Variants in FUT8 observed in about 807,000 individuals in gnomAD.
FUT8 encodes the protein alpha-(1,6)-fucosyltransferase.
In FUT8, 29 loss-of-function variants were observed where a neutral mutation model predicts 71.3. That is an observed-to-expected ratio of 0.41 (90% CI 0.30 to 0.55). FUT8 has a LOEUF of 0.55. Among genes scored for constraint, FUT8 ranks in the 20% least tolerant of loss-of-function variants. The pLI is 0.34. For synonymous variants in FUT8, 254 were observed against 239.3 expected (o/e 1.06, Z -0.57); for missense variants, 544 against 702.1 (o/e 0.77, Z 2.55).
At chr14:65,363,376 C>T in the FUT8 span, among the ~76,000 whole-genome samples, 1 of 152,066 alleles carries the variant, frequency 6.6e-6, no homozygotes, top group South Asian at 2.1e-4. Flanking sequence ...TGGCCTCGGC[C>T]TCTCAAAGTG....
intron 7 of FUT8, among the ~76,000 whole-genome samples, chr14:65,715,708 C>T (rs1895021862): frequency 6.6e-6 from 1 of 152,068 alleles, no homozygotes; most frequent in South Asian, 2.1e-4. Context: ...TTAATTTCTT[C>T]ATTGATCCAT....
rs780759222 is a variant in FUT8, at chr14:65,472,574, AC to A, written c.-228+16857del. Among the ~76,000 whole-genome samples, 17 of 152,248 alleles carry A rather than the reference AC, an allele frequency of 1.1e-4. No homozygotes were observed. The highest frequency in any genetic ancestry group is 3.4e-3 in the Middle Eastern group (1 of 294). On this transcript the variant is annotated intron_variant, in intron 2 of 10. Coordinates refer to ENST00000673929, the MANE Select transcript of FUT8 (RefSeq NM_001371533.1). The surrounding 1 kb of genome is among the most constrained non-coding windows in gnomAD (Gnocchi z 4.4). ...ATATTCTTATACTGTAAAAAAAAAA[AC>A]AACTTTATTTTTATAGCCTTTTTGG... is the stretch of plus-strand genomic sequence containing the variant.
At chr14:65,378,580 T>C in the FUT8 span, among the ~76,000 whole-genome samples, 129 of 152,260 alleles carry the variant, frequency 8.5e-4, 1 homozygote, top group Non-Finnish European at 1.2e-3. Flanking sequence ...GCCATAATAA[T>C]TTCACCTGAA....
chr14:65,552,186 C>T (rs1444978345), intron 2 of FUT8, among the ~76,000 whole-genome samples: 1 of 152,096 alleles, frequency 6.6e-6, no homozygotes, highest in Non-Finnish European at 1.5e-5. Flanking sequence ...TATTCAGTTT[C>T]TGTTGAGTCA....
chr14:65,662,758 G>A (rs966518879), intron 6 of FUT8, among the ~76,000 whole-genome samples: 4 of 152,140 alleles, frequency 2.6e-5, no homozygotes, highest in African/African-American at 9.7e-5. Flanking sequence ...GGTTGTGTAG[G>A]GAGGTAATTT....
At position 65,510,014 on chromosome 14, in the gene FUT8, A is replaced by T. The variant is rs77204555; in HGVS notation, c.-227-51323A>T. On this transcript the variant is annotated intron_variant, in intron 2 of 10. Coordinates refer to ENST00000673929, the MANE Select transcript of FUT8 (RefSeq NM_001371533.1). ...AGTGGGCATCCTTGTTATGTTTCAG[A>T]TCGTAAAAGACAGGCTTTCAGTTTT... Among the ~76,000 whole-genome samples, 312 of 152,226 alleles carry T rather than the reference A, an allele frequency of 2.0e-3. 2 individuals are homozygous for T. Among genetic ancestry groups the T allele is most frequent in the African/African-American group, 7.4e-3 (307 of 41,554 alleles).
intron 6 of FUT8, among the ~76,000 whole-genome samples, chr14:65,631,840 G>A (rs779198074): frequency 4.6e-5 from 7 of 151,894 alleles, no homozygotes; most frequent in South Asian, 2.1e-4. Flanking sequence ...GTCTTTCATC[G>A]CTCGCTCCCC....
At chr14:65,719,732 T>C (rs570785370) in intron 7 of FUT8, among the ~76,000 whole-genome samples, 1 of 152,348 alleles carries the variant, frequency 6.6e-6, no homozygotes, top group Admixed American at 6.5e-5. Flanking sequence ...TTTGTGGTCT[T>C]AGATAAGGTC....
intron 2 of FUT8, among the ~76,000 whole-genome samples, chr14:65,493,116 G>A (rs1441896245): frequency 6.6e-6 from 1 of 152,128 alleles, no homozygotes; most frequent in Non-Finnish European, 1.5e-5. Context: ...TTAGACTTTG[G>A]TGAGTATTGC....
rs1566851224 is a variant in FUT8 at position 65,611,259 on chromosome 14, A to AAGTAATAGCCTTGATTTTG, written c.204-4719_204-4718insAGTAATAGCCTTGATTTTG. On this transcript the variant is annotated intron_variant, in intron 3 of 10. Transcript: ENST00000673929. ...CACACACACACACACACACACACAC[A>AAGTAATAGCCTTGATTTTG]CACACACACACACACACACACACAC... is the stretch of plus-strand genomic sequence containing the variant. Among the ~76,000 whole-genome samples the AAGTAATAGCCTTGATTTTG allele has an allele frequency of 2.1e-4, 15 of 69,806 alleles. 1 individual carries two copies. Among genetic ancestry groups the AAGTAATAGCCTTGATTTTG allele is most frequent in the African/African-American group, 1.6e-3 (15 of 9,286 alleles). The allele number at this position is 69,806 out of a possible 152,430, so 45.8% of individuals were successfully genotyped here.
chr14:65,700,521 G>C (rs1894237796), intron 7 of FUT8, among the ~76,000 whole-genome samples: 1 of 150,156 alleles, frequency 6.7e-6, no homozygotes, highest in African/African-American at 2.4e-5. Flanking sequence ...CTCCCGAGTA[G>C]CTGGGACTAC....
At chr14:65,497,703 TTAAAATTTA>T (rs1256205750) in intron 2 of FUT8, among the ~76,000 whole-genome samples, 1 of 151,974 alleles carries the variant, frequency 6.6e-6, no homozygotes, top group South Asian at 2.1e-4. Context: ...TATTAAAATA[TTAAAATTTA>T]TAAAATACAA....
chr14:65,476,486 G>T (rs1350441736), intron 2 of FUT8, among the ~76,000 whole-genome samples: 1 of 152,134 alleles, frequency 6.6e-6, no homozygotes, highest in Non-Finnish European at 1.5e-5. Context: ...ACTCAATTTT[G>T]CTTAGTGTGT....
At chr14:65,502,171 A>G (rs1452510890) in intron 2 of FUT8, among the ~76,000 whole-genome samples, 1 of 151,862 alleles carries the variant, frequency 6.6e-6, no homozygotes, top group African/African-American at 2.4e-5. Flanking sequence ...TTGGCCTCCA[A>G]GTGGTCTGGG....
At chr14:65,429,861 C>CCA (rs1491439801) in intron 1 of FUT8, among the ~76,000 whole-genome samples, 4 of 81,006 alleles carry the variant, frequency 4.9e-5, no homozygotes, top group Non-Finnish European at 9.1e-5. Context: ...GAGACTGTCT[C>CCA]AAAAAAAAAA....
At chr14:65,370,393 A>G in the FUT8 span, among the ~76,000 whole-genome samples, 5 of 151,444 alleles carry the variant, frequency 3.3e-5, no homozygotes, top group Non-Finnish European at 7.4e-5. Flanking sequence ...ATTTTTTAGT[A>G]GAGACGGGGT....
chr14:65,565,236 G>A (rs746143537), intron 3 of FUT8, among the ~76,000 whole-genome samples: 29 of 152,040 alleles, frequency 1.9e-4, no homozygotes, highest in Non-Finnish European at 3.7e-4. Flanking sequence ...TGAAGGAGGA[G>A]CATTAATTTA....
chr14:65,523,998 A>G (rs889232420), intron 2 of FUT8, among the ~76,000 whole-genome samples: 21 of 152,172 alleles, frequency 1.4e-4, no homozygotes, highest in African/African-American at 4.8e-4. Context: ...GTTTGATGTC[A>G]GGTAGTGTGA....
upstream of FUT8, among the ~76,000 whole-genome samples, chr14:65,407,324 A>G (rs2065091925): frequency 6.6e-6 from 1 of 152,168 alleles, no homozygotes; most frequent in South Asian, 2.1e-4. Context: ...AAACCTTGTA[A>G]TGTCTTACAA....
Sources: allele counts gnomAD v4.1 joint callset (sites outside exome capture counted in the v4.1 genomes callset), GRCh38; gene constraint gnomAD v4.1.1; non-coding constraint Gnocchi (gnomAD v3.1); transcripts MANE v1.5; gene names NCBI Gene and HGNC (gene_info 2026-07-23, HGNC 2026-07-21).